Variants in TMEM40 observed in about 807,000 individuals in gnomAD.
TMEM40 encodes transmembrane protein 40.
A neutral mutation model predicts 40.8 loss-of-function variants in TMEM40; 34 were observed. The observed-to-expected ratio is 0.83, with a 90% confidence interval of 0.63 to 1.11. TMEM40 has a LOEUF of 1.11. Among genes scored for constraint, TMEM40 ranks in the 50% least tolerant of loss-of-function variants. The pLI, the probability that TMEM40 is intolerant of heterozygous loss-of-function variation, is 0.00. For synonymous variants in TMEM40, 106 were observed against 107.0 expected (o/e 0.99, Z 0.06); for missense variants, 296 against 280.2 (o/e 1.06, Z -0.40).
At chr3:12,740,393 C>A (rs1481041773) in intron 5 of TMEM40, among the ~76,000 whole-genome samples, 1 of 150,222 alleles carries the variant, frequency 6.7e-6, no homozygotes, top group African/African-American at 2.4e-5. Context: ...CCTGGCCACA[C>A]AATCATAATT....
Position 12,736,723 on chromosome 3 carries a change from T to C in TMEM40, c.544+41A>G, listed in dbSNP as rs552822812. The C allele has an allele frequency of 1.9e-6, 3 of 1,600,824 alleles. No individual in the cohort carries two copies. In the South Asian group the frequency reaches 3.3e-5, roughly 18 times the overall value. ...CGCCCCTGCCCCCTGCACCACCCCA[T>C]GCCATCCCCCTTGTGCATTCCCCAG... On this transcript the variant is annotated intron_variant, in intron 9 of 11. Transcript: ENST00000314124.
At chr3:12,766,367 G>C (rs1393282266) in intron 1 of TMEM40, among the ~76,000 whole-genome samples, 1 of 152,012 alleles carries the variant, frequency 6.6e-6, no homozygotes, top group East Asian at 1.9e-4. Context: ...AGGCCGAGGA[G>C]GGCGGATCAC....
At chr3:12,747,675 C>T (rs1176130144) in intron 3 of TMEM40, among the ~76,000 whole-genome samples, 12 of 151,888 alleles carry the variant, frequency 7.9e-5, no homozygotes, top group Admixed American at 3.3e-4. Context: ...TTTGGGAGGC[C>T]GAGGTGGGCA....
At position 12,769,278 on chromosome 3, in the gene TMEM40, C is replaced by T. The variant is rs541284907; in HGVS notation, c.-36G>A. The T allele has an allele frequency of 9.1e-4, 374 of 412,878 alleles. 1 individual carries two copies. Among genetic ancestry groups the T allele is most frequent in the African/African-American group, 7.2e-3 (343 of 47,374 alleles). 25.6% of individuals were successfully genotyped at this position (412,878 alleles called of 1,614,324 possible). On this transcript the variant is annotated 5_prime_UTR_variant, in exon 1 of 12. Transcript: ENST00000264728. The stretch of plus-strand genomic sequence containing the variant: ...CCCGGAAGGCTGAGGGAGCCGGCTC[C>T]GGCCTCGGCCATCCCAGGAAGGGAC...
chr3:12,747,186 CTTTTTT>C (rs546380956), intron 3 of TMEM40, among the ~76,000 whole-genome samples: 3 of 141,300 alleles, frequency 2.1e-5, no homozygotes, highest in Non-Finnish European at 4.7e-5. Context: ...AAGACCAGAG[CTTTTTT>C]TTTTTTTTCC....
chr3:12,753,969 C>G (rs2061498827), intron 1 of TMEM40, among the ~76,000 whole-genome samples: 1 of 152,094 alleles, frequency 6.6e-6, no homozygotes, highest in Admixed American at 6.6e-5. Flanking sequence ...TCTCACACAA[C>G]CAGGAGGGAG....
At chr3:12,753,295 CA>C (rs1292193899) in intron 1 of TMEM40, among the ~76,000 whole-genome samples, 1 of 143,514 alleles carries the variant, frequency 7.0e-6, no homozygotes, top group African/African-American at 2.6e-5. Flanking sequence ...CACGGCTCTG[CA>C]GCTTCAACCT....
At chr3:12,762,688 T>C (rs2061577676), upstream of TMEM40, among the ~76,000 whole-genome samples, 1 of 152,098 alleles carries the variant, frequency 6.6e-6, no homozygotes, top group African/African-American at 2.4e-5. Context: ...GGAAAGGAGG[T>C]GGAACTAGAT....
intron 7 of TMEM40, 94 bp from the exon 8 acceptor site, chr3:12,737,848 G>T: frequency 1.5e-6 from 2 of 1,306,278 alleles, no homozygotes; most frequent in Non-Finnish European, 2.2e-6. Context: ...AATATCCTGG[G>T]TATATCTTCC....
chr3:12,752,551 G>C (rs2061486694), intron 1 of TMEM40, among the ~76,000 whole-genome samples: 1 of 151,994 alleles, frequency 6.6e-6, no homozygotes, highest in East Asian at 1.9e-4. Context: ...GTAATCCCAG[G>C]ACTTTGGGAG....
At chr3:12,744,078 G>A (rs1228771441) in intron 3 of TMEM40, 89 bp from the exon 4 acceptor site, 5 of 1,354,962 alleles carry the variant, frequency 3.7e-6, no homozygotes, top group Admixed American at 4.1e-5. Flanking sequence ...TCAGAATTTA[G>A]TTTATGAGAA....
chr3:12,743,237 G>A (rs1175426388), intron 4 of TMEM40, among the ~76,000 whole-genome samples: 3 of 152,232 alleles, frequency 2.0e-5, no homozygotes, highest in Non-Finnish European at 4.4e-5. Context: ...GGAGGCCAAG[G>A]TGGGTAGATC....
intron 1 of TMEM40, among the ~76,000 whole-genome samples, chr3:12,754,310 TC>T (rs1180722537): frequency 1.6e-4 from 23 of 142,186 alleles, no homozygotes; most frequent in Admixed American, 2.8e-4. Context: ...CGATTCCGTC[TC>T]AAAACAACAA....
chr3:12,738,425 G>A, intron 6 of TMEM40, 128 bp downstream of exon 6: 3 of 1,139,164 alleles, frequency 2.6e-6, no homozygotes, highest in South Asian at 2.6e-5. Flanking sequence ...TAGGCTAAGT[G>A]GACCTGGGGC....
At chr3:12,755,222 TCTCTCTC>T (rs1328991630) in intron 1 of TMEM40, among the ~76,000 whole-genome samples, 8 of 85,720 alleles carry the variant, frequency 9.3e-5, no homozygotes, top group African/African-American at 5.9e-4. Context: ...TTTCTCTCTC[TCTCTCTC>T]TCTCTCTTTC....
At chr3:12,761,941 T>C (rs2061570603), upstream of TMEM40, among the ~76,000 whole-genome samples, 1 of 152,224 alleles carries the variant, frequency 6.6e-6, no homozygotes, top group Non-Finnish European at 1.5e-5. Flanking sequence ...TTGTATTGAT[T>C]ATCTATTAAA....
chr3:12,750,004 C>G (rs1368735324), intron 1 of TMEM40, among the ~76,000 whole-genome samples, 164 bp from the exon 2 acceptor site: 1 of 151,610 alleles, frequency 6.6e-6, no homozygotes, highest in East Asian at 1.9e-4. Context: ...GCAAGAAGGC[C>G]GGGGTAGTGG....
intron 10 of TMEM40, among the ~76,000 whole-genome samples, chr3:12,736,108 G>A (rs919195229): frequency 9.9e-5 from 15 of 150,918 alleles, no homozygotes; most frequent in South Asian, 2.1e-4. Context: ...ACCTTACATT[G>A]ACCTTGAAAG....
chr3:12,746,524 T>C (rs2061429840), intron 3 of TMEM40, among the ~76,000 whole-genome samples: 1 of 152,166 alleles, frequency 6.6e-6, no homozygotes, highest in Admixed American at 6.5e-5. Flanking sequence ...AGAGAGATGG[T>C]GGATGTGACT....
Sources: gnomAD v4.1 joint callset for allele counts (sites outside exome capture counted in the v4.1 genomes callset) on GRCh38, gnomAD v4.1.1 for gene constraint, MANE v1.5 for transcripts, NCBI Gene and HGNC (gene_info 2026-07-23, HGNC 2026-07-21) for gene names.